The following CD99 variants were observed in gnomAD, a reference collection of about 807,000 sequenced individuals.
CD99 encodes the protein CD99 molecule (Xg blood group).
A neutral mutation model predicts 28.4 loss-of-function variants in CD99; 19 were observed. The ratio of observed to expected loss-of-function variants is 0.67; its 90% CI spans 0.47 to 0.98. The LOEUF is 0.98. Among genes scored for constraint, CD99 ranks in the 50% least tolerant of loss-of-function variants. CD99 has a pLI of 0.00. For missense variants in CD99, 283 were observed against 248.8 expected (o/e 1.14, Z -0.92); for synonymous variants, 103 against 92.1 (o/e 1.12, Z -0.67).
At chrX:2,692,406 C>A (rs1289223568) in intron 1 of CD99, among the ~76,000 whole-genome samples, 4 of 152,098 alleles carry the variant, frequency 2.6e-5, no homozygotes, top group African/African-American at 9.7e-5. Context: ...CTGGGGAGGA[C>A]GGAGGAGGCC....
At chrX:2,698,497 C>G (rs1362048618) in intron 1 of CD99, among the ~76,000 whole-genome samples, 3 of 151,988 alleles carry the variant, frequency 2.0e-5, no homozygotes, top group Admixed American at 6.5e-5. Context: ...GACAGGATCT[C>G]ACTCTGTCGC....
intron 1 of CD99, among the ~76,000 whole-genome samples, chrX:2,713,551 T>C (rs906918043): frequency 8.7e-4 from 133 of 152,102 alleles, no homozygotes; most frequent in Non-Finnish European, 1.0e-3. Context: ...CACACACACA[T>C]ACCCCTGTGA....
At chrX:2,717,385 G>T in intron 2 of CD99, 1 of 554,732 alleles carries the variant, frequency 1.8e-6, no homozygotes, top group East Asian at 2.9e-5. Context: ...GGGGCTCCTG[G>T]TCTCTGTGGA....
At chrX:2,717,951 TTTTTTTTGA>T in intron 3 of CD99, 2 of 375,666 alleles carry the variant, frequency 5.3e-6, no homozygotes, top group Non-Finnish European at 4.8e-6. Context: ...TTTTTTTTTT[TTTTTTTTGA>T]GATGGCGTTT....
At chrX:2,706,336 G>C (rs1299042192) in intron 1 of CD99, among the ~76,000 whole-genome samples, 24 of 152,178 alleles carry the variant, frequency 1.6e-4, no homozygotes, top group East Asian at 1.5e-3. Context: ...CTCCAGCCTG[G>C]GTGACACAGA....
chrX:2,702,523 C>G (rs2047908183), intron 1 of CD99, among the ~76,000 whole-genome samples: 1 of 152,212 alleles, frequency 6.6e-6, no homozygotes, highest in South Asian at 2.1e-4. Flanking sequence ...GTATTTGTGA[C>G]TTGCCTGCTT....
intron 1 of CD99, among the ~76,000 whole-genome samples, chrX:2,706,967 T>C (rs2048150894): frequency 6.6e-6 from 1 of 151,752 alleles, no homozygotes; most frequent in Non-Finnish European, 1.5e-5. Flanking sequence ...ACTACGGGCG[T>C]GCACCACCAC....
chrX:2,725,777 C>T (rs2049248462), intron 7 of CD99, among the ~76,000 whole-genome samples: 1 of 152,116 alleles, frequency 6.6e-6, no homozygotes, highest in Non-Finnish European at 1.5e-5. Flanking sequence ...TTACTCCCGG[C>T]TAATTTTTGT....
chrX:2,726,406 T>G, intron 8 of CD99, 33 bp downstream of exon 8: 1 of 1,328,940 alleles, frequency 7.5e-7, no homozygotes, highest in Middle Eastern at 2.2e-4. Context: ...CTCTCCTTCA[T>G]GCCTTGCTGA....
chrX:2,714,786 CCGTTTG>C, intron 2 of CD99: 1 of 253,992 alleles, frequency 3.9e-6, no homozygotes. Flanking sequence ...TGCAGGCCTT[CCGTTTG>C]TAAAACACAC....
chrX:2,726,898 G>A (rs944532586), intron 8 of CD99, among the ~76,000 whole-genome samples: 7 of 152,216 alleles, frequency 4.6e-5, no homozygotes, highest in African/African-American at 1.7e-4. Flanking sequence ...ACTTTGGGAG[G>A]CCGAGACGGG....
intron 1 of CD99, chrX:2,692,206 G>A (rs1014597433): frequency 8.7e-6 from 4 of 462,366 alleles, no homozygotes; most frequent in African/African-American, 8.1e-5. Context: ...CGGAAACGGA[G>A]ACCCTGCCGG....
At position 2,723,338 on chromosome X, in the gene CD99, G is replaced by T. The variant is rs1433784195; in HGVS notation, c.335G>T (p.Gly112Val). The T allele has an allele frequency of 6.2e-7, 1 of 1,613,830 alleles. No homozygotes were observed. The highest frequency in any genetic ancestry group is 1.3e-5 in the African/African-American group (1 of 74,902). ...GGAAAAGGAGGCAGTGATGGTGGAG[G>T]CAGCCACAGGAAAGAAGGGGAAGAG... ...GEGKGGSDGG[G>V]SHRKEGEEAD... is the part of the protein sequence containing the mutation. The change falls in exon 7 of 10, where the codon GGC (glycine) becomes GTC (valine). Residue 112 changes from glycine to valine, a missense_variant. Transcript: ENST00000381192.
At chrX:2,692,223 T>TATGTTATAAATTCTTTTTTC (rs1469275708) in intron 1 of CD99, 1 of 424,046 alleles carries the variant, frequency 2.4e-6, no homozygotes, top group South Asian at 2.8e-5. Context: ...CCGGATGTGG[T>TATGTTATAAATTCTTTTTTC]ATGTTATAAA....
chrX:2,703,341 G>T (rs1330180818), intron 1 of CD99, among the ~76,000 whole-genome samples: 1 of 152,146 alleles, frequency 6.6e-6, no homozygotes, highest in Non-Finnish European at 1.5e-5. Context: ...CACATTTGAT[G>T]AGCGTCATTT....
chrX:2,729,304 G>A (rs776793347), intron 8 of CD99, among the ~76,000 whole-genome samples: 1 of 152,276 alleles, frequency 6.6e-6, no homozygotes, highest in Non-Finnish European at 1.5e-5. Context: ...GATCTTGTAA[G>A]CCTATTTCAT....
At chrX:2,717,347 C>CA (rs111805240) in intron 2 of CD99, 58,106 of 343,806 alleles carry the variant, frequency 0.17, 2,435 homozygotes, top group African/African-American at 0.29. Flanking sequence ...GACTTGGTCT[C>CA]AAAAAAAAAA....
At chrX:2,691,880 A>C in intron 1 of CD99, 1 of 779,148 alleles carries the variant, frequency 1.3e-6, no homozygotes, top group Non-Finnish European at 2.4e-6. Flanking sequence ...TAAATTTGGA[A>C]TCGCTAGGAG....
chrX:2,726,417 T>C, intron 8 of CD99, 44 bp downstream of exon 8: 1 of 1,240,308 alleles, frequency 8.1e-7, no homozygotes, highest in Non-Finnish European at 1.2e-6. Flanking sequence ...GCCTTGCTGA[T>C]TGGAAAACTG....
Sources: gnomAD v4.1 joint callset for allele counts (sites outside exome capture counted in the v4.1 genomes callset) on GRCh38, gnomAD v4.1.1 for gene constraint, MANE v1.5 for transcripts, NCBI Gene and HGNC (gene_info 2026-07-23, HGNC 2026-07-21) for gene names.